UBXN2A: variants seen among roughly 807,000 people sequenced by gnomAD.
UBXN2A encodes the protein UBX domain-containing protein 2A.
In UBXN2A, 28 loss-of-function variants were observed where a neutral mutation model predicts 28.4. The ratio of observed to expected loss-of-function variants is 0.99; its 90% confidence interval spans 0.73 to 1.35. The LOEUF (loss-of-function observed/expected upper bound fraction) is 1.35, where lower values mean the gene tolerates loss of function less well. Ranked by LOEUF, UBXN2A falls within the 40% of genes most tolerant of loss-of-function variation. The probability of loss-of-function intolerance (pLI) is 0.00; values close to 1 mark genes in which losing one functional copy is unlikely to be tolerated. For missense variants in UBXN2A, 253 were observed against 297.9 expected (o/e 0.85, Z 1.11); for synonymous variants, 97 against 103.6 (o/e 0.94, Z 0.39).
rs1212543309 is a variant in UBXN2A at position 24,003,044 on chromosome 2, C to T, written c.*3177C>T. On this transcript the variant is annotated 3_prime_UTR_variant, in exon 7 of 7. Coordinates refer to ENST00000309033, the MANE Select transcript of UBXN2A (RefSeq NM_181713.4). ...CACAATGATTCTGAAGCCTTAGTTT[C>T]AGAATCATTTGGGGCAGCTTTTCAA... The T allele has an allele frequency of 1.3e-5, 2 of 152,188 alleles. No homozygotes were observed. Among genetic ancestry groups the T allele is most frequent in the Non-Finnish European group, 2.9e-5 (2 of 68,020 alleles). The allele number at this position is 152,188 out of a possible 1,614,324, so 9.4% of individuals were successfully genotyped here.
At chr2:23,965,601 AT>A (rs1707129257) in intron 2 of UBXN2A, among the ~76,000 whole-genome samples, 1 of 152,068 alleles carries the variant, frequency 6.6e-6, no homozygotes, top group Admixed American at 6.6e-5. Context: ...TTTTATATAC[AT>A]TGTTGTATTC....
intron 2 of UBXN2A, among the ~76,000 whole-genome samples, chr2:23,970,289 A>G (rs1354813835): frequency 1.3e-5 from 2 of 152,172 alleles, no homozygotes; most frequent in African/African-American, 4.8e-5. Flanking sequence ...GTCTCAAGAA[A>G]ACCTCAAAAA....
intron 1 of UBXN2A, among the ~76,000 whole-genome samples, chr2:23,953,044 A>T (rs6545184): frequency 0.73 from 110,719 of 151,292 alleles, 40,945 homozygotes; most frequent in East Asian, 0.85. Flanking sequence ...AAATGTGGAT[A>T]CACATTGCTT....
intron 2 of UBXN2A, among the ~76,000 whole-genome samples, chr2:23,966,538 T>C (rs1208698512): frequency 5.4e-5 from 8 of 149,456 alleles, no homozygotes; most frequent in South Asian, 4.3e-4. Context: ...CTGCAAGCTC[T>C]GCCTCCCAGG....
chr2:23,985,663 G>A (rs909545270), intron 6 of UBXN2A, among the ~76,000 whole-genome samples: 3 of 150,460 alleles, frequency 2.0e-5, no homozygotes, highest in African/African-American at 4.9e-5. Context: ...AGAGTGGCGC[G>A]AGCCACCGTG....
rs1306001705 is a variant in UBXN2A, at chr2:24,002,209, A to T, written c.*2342A>T. ...CACCTGAGGTCAGGAGTTCGAGACC[A>T]GCCTGGTCAATGTGGTGAAACCATG... is the stretch of plus-strand genomic sequence containing the variant. On this transcript the variant is annotated 3_prime_UTR_variant, in exon 7 of 7. Coordinates refer to ENST00000309033, the MANE Select transcript of UBXN2A (RefSeq NM_181713.4). The T allele has an allele frequency of 6.6e-6, 1 of 152,106 alleles. No individual in the cohort carries two copies. The highest frequency in any genetic ancestry group is 1.5e-5 in the Non-Finnish European group (1 of 68,098). The allele number at this position is 152,106 out of a possible 1,614,324, so 9.4% of individuals were successfully genotyped here. A position where few individuals can be genotyped will look rare whatever the true frequency, so the allele number is the denominator to read the frequency against.
chr2:23,944,298 G>C (rs1454291268), intron 1 of UBXN2A: 1 of 1,605,038 alleles, frequency 6.2e-7, no homozygotes, highest in Non-Finnish European at 8.5e-7. Context: ...ATACCAGTCT[G>C]GAGTGGTTGT....
intron 2 of UBXN2A, among the ~76,000 whole-genome samples, chr2:23,965,416 A>G (rs1029821295): frequency 1.3e-5 from 2 of 152,102 alleles, no homozygotes; most frequent in African/African-American, 4.8e-5. Context: ...TGGGGGTTTT[A>G]TTATGAATGG....
At chr2:23,935,561 C>G (rs114914583), upstream of UBXN2A, among the ~76,000 whole-genome samples, 2 of 152,180 alleles carry the variant, frequency 1.3e-5, no homozygotes, top group Non-Finnish European at 2.9e-5. Context: ...CTCATTAGGG[C>G]GGGATAGTTA....
chr2:23,974,838 G>C (rs1431384008), intron 3 of UBXN2A, among the ~76,000 whole-genome samples: 3 of 152,080 alleles, frequency 2.0e-5, no homozygotes, highest in African/African-American at 7.2e-5. Context: ...AATTAGCTGA[G>C]CTTGGTGATG....
At chr2:23,984,906 C>T (rs1708063537) in intron 6 of UBXN2A, 75 bp downstream of exon 6, 2 of 1,457,760 alleles carry the variant, frequency 1.4e-6, no homozygotes, top group Non-Finnish European at 9.1e-7. Flanking sequence ...GTTCAGTCAA[C>T]AGTTTATTTT....
At chr2:23,970,425 G>C (rs1257268369) in intron 2 of UBXN2A, among the ~76,000 whole-genome samples, 1 of 152,086 alleles carries the variant, frequency 6.6e-6, no homozygotes, top group Non-Finnish European at 1.5e-5. Flanking sequence ...CTGGGGATTG[G>C]GGATGGGGCA....
intron 1 of UBXN2A, among the ~76,000 whole-genome samples, chr2:23,949,644 G>A (rs557774313): frequency 1.0e-3 from 152 of 152,170 alleles, no homozygotes; most frequent in African/African-American, 3.4e-3. Flanking sequence ...GGAGGCCAAG[G>A]CAGGAGGATC....
chr2:23,971,119 G>T (rs960204968), intron 2 of UBXN2A, among the ~76,000 whole-genome samples, 157 bp from the exon 3 acceptor site: 3 of 152,080 alleles, frequency 2.0e-5, no homozygotes, highest in Non-Finnish European at 2.9e-5. Context: ...ACTAAAAAGG[G>T]GTTAATGACT....
chr2:23,953,873 G>T (rs1219087013), intron 1 of UBXN2A, among the ~76,000 whole-genome samples: 1 of 152,156 alleles, frequency 6.6e-6, no homozygotes, highest in African/African-American at 2.4e-5. Context: ...TTTTTGGCAA[G>T]AATAGATGAT....
chr2:23,946,921 A>G (rs1403592576), intron 1 of UBXN2A, among the ~76,000 whole-genome samples: 1 of 138,024 alleles, frequency 7.2e-6, no homozygotes, highest in Non-Finnish European at 1.5e-5. Flanking sequence ...ACAGGGTCTC[A>G]CTCTTACCCA....
chr2:23,985,662 C>T (rs114312615), intron 6 of UBXN2A, among the ~76,000 whole-genome samples: 1,597 of 150,026 alleles, frequency 0.011, 25 homozygotes, highest in African/African-American at 0.036. Context: ...TAGAGTGGCG[C>T]GAGCCACCGT....
At position 24,000,978 on chromosome 2, in the gene UBXN2A, G is replaced by C. The variant is rs1708714477; in HGVS notation, c.*1111G>C. 1 of 152,042 alleles carries C rather than the reference G, an allele frequency of 6.6e-6. No homozygotes were observed. The highest frequency in any genetic ancestry group is 2.1e-4 in the South Asian group (1 of 4,818). 9.4% of individuals were successfully genotyped at this position (152,042 alleles called of 1,614,324 possible). ...GTATTTTTTAAATGCATCATATAAAGTATGGTTTTCTGTTTCTTTTTCGTT... is the reference window on the plus strand; with the variant it reads ...GTATTTTTTAAATGCATCATATAAACTATGGTTTTCTGTTTCTTTTTCGTT... On this transcript the variant is annotated 3_prime_UTR_variant, in exon 7 of 7. Transcript: ENST00000309033.
At chr2:23,965,017 A>G (rs1314837932) in intron 2 of UBXN2A, among the ~76,000 whole-genome samples, 2 of 152,130 alleles carry the variant, frequency 1.3e-5, no homozygotes, top group Non-Finnish European at 2.9e-5. Context: ...GGCTGGAACT[A>G]TAGGCATGTG....
Sources: gnomAD v4.1 joint callset for allele counts (sites outside exome capture counted in the v4.1 genomes callset) on GRCh38, gnomAD v4.1.1 for gene constraint, MANE v1.5 for transcripts, NCBI Gene and HGNC (gene_info 2026-07-23, HGNC 2026-07-21) for gene names.